MID1: variants seen among roughly 807,000 people sequenced by gnomAD.
MID1 encodes the protein E3 ubiquitin-protein ligase Midline-1.
In MID1, 7 loss-of-function variants were observed where a neutral mutation model predicts 40.4. The ratio of observed to expected loss-of-function variants is 0.17; its 90% confidence interval spans 0.10 to 0.33. The LOEUF is 0.33. Among genes scored for constraint, MID1 ranks in the 10% least tolerant of loss-of-function variants. The pLI, the probability that MID1 is intolerant of heterozygous loss-of-function variation, is 1.00. For synonymous variants in MID1, 229 were observed against 221.2 expected (o/e 1.04, Z -0.31); for missense variants, 367 against 558.5 (o/e 0.66, Z 3.46).
At chrX:10,739,076 A>T (rs1444665091) in intron 1 of MID1, among the ~76,000 whole-genome samples, 1 of 111,808 alleles carries the variant, frequency 8.9e-6, no homozygotes, top group Non-Finnish European at 1.9e-5. Context: ...ATATTTTGTT[A>T]GGAGGAAAAG....
intron 2 of MID1, among the ~76,000 whole-genome samples, chrX:10,529,062 A>G: frequency 9.0e-6 from 1 of 111,558 alleles, no homozygotes; most frequent in Middle Eastern, 4.6e-3. Flanking sequence ...AGGAGGAGAT[A>G]CATGGAAGCC....
chrX:10,592,635 CAT>C, intron 1 of MID1, among the ~76,000 whole-genome samples: 1 of 110,218 alleles, frequency 9.1e-6, no homozygotes, highest in African/African-American at 3.3e-5. Context: ...TATATATATA[CAT>C]GTATATATAT....
At chrX:10,671,323 A>T (rs943056721) in intron 1 of MID1, among the ~76,000 whole-genome samples, 2 of 112,247 alleles carry the variant, frequency 1.8e-5, no homozygotes, top group African/African-American at 6.5e-5. Context: ...CTCCTTACAA[A>T]TTGCATGATG....
chrX:10,570,978 A>G (rs1408190024), intron 1 of MID1, among the ~76,000 whole-genome samples: 1 of 88,879 alleles, frequency 1.1e-5, no homozygotes, highest in Non-Finnish European at 2.6e-5. Context: ...GCGGAGCAAG[A>G]CTTGAACAAG....
intron 1 of MID1, among the ~76,000 whole-genome samples, chrX:10,666,207 T>C (rs1245354469): frequency 9.0e-6 from 1 of 110,617 alleles, no homozygotes; most frequent in Non-Finnish European, 1.9e-5. Context: ...GAGAAGAATC[T>C]TGAGATGAAG....
intron 1 of MID1, among the ~76,000 whole-genome samples, chrX:10,632,511 A>C (rs983197618): frequency 9.0e-6 from 1 of 111,521 alleles, no homozygotes; most frequent in East Asian, 2.9e-4. Flanking sequence ...TGAGTAGCCA[A>C]GGTTGAGAAC....
intron 1 of MID1, among the ~76,000 whole-genome samples, chrX:10,720,902 C>A (rs996781886): frequency 9.1e-6 from 1 of 109,628 alleles, no homozygotes; most frequent in African/African-American, 3.3e-5. Flanking sequence ...TTTGTAGGGA[C>A]ATGGATGAAG....
intron 1 of MID1, among the ~76,000 whole-genome samples, chrX:10,789,710 T>A (rs894267946): frequency 1.2e-4 from 14 of 112,086 alleles, no homozygotes; most frequent in African/African-American, 4.2e-4. Context: ...AAGTGACACA[T>A]GACTGTGCAA....
chrX:10,598,557 G>A (rs1374962682), intron 1 of MID1, among the ~76,000 whole-genome samples: 1 of 112,224 alleles, frequency 8.9e-6, no homozygotes, highest in African/African-American at 3.2e-5. Flanking sequence ...TGCTGAGAAC[G>A]TTTCCTGACT....
chrX:10,631,085 A>G (rs1308772242), intron 1 of MID1, among the ~76,000 whole-genome samples: 3 of 111,412 alleles, frequency 2.7e-5, no homozygotes, highest in Admixed American at 9.5e-5. Flanking sequence ...TATACTATAC[A>G]TGGAAAAAAT....
At chrX:10,710,973 T>G (rs1421352507) in intron 1 of MID1, among the ~76,000 whole-genome samples, 1 of 111,664 alleles carries the variant, frequency 9.0e-6, no homozygotes, top group Non-Finnish European at 1.9e-5. Context: ...CCATGTCTTT[T>G]CTTTAGCCTG....
At chrX:10,658,400 C>A (rs1182338361) in intron 1 of MID1, among the ~76,000 whole-genome samples, 14 of 59,662 alleles carry the variant, frequency 2.3e-4, no homozygotes, top group Non-Finnish European at 2.9e-5. Context: ...ACAAAATCCA[C>A]AGCATTAAAA....
chrX:10,794,063 C>T, intron 1 of MID1, among the ~76,000 whole-genome samples: 1 of 111,976 alleles, frequency 8.9e-6, no homozygotes, highest in East Asian at 2.8e-4. Context: ...TGTTCACCTG[C>T]CCCTGGCCCA....
At position 10,482,576 on chromosome X, in the gene MID1, A is replaced by G; in HGVS notation, c.917T>C (p.Ile306Thr). The G allele has an allele frequency of 8.3e-7, 1 of 1,210,573 alleles. No individual in the cohort carries two copies. Among genetic ancestry groups the G allele is most frequent in the African/African-American group, 1.7e-5 (1 of 57,799 alleles). The change falls in exon 5 of 10, where the codon ATT becomes ACT. Residue 306 changes from isoleucine to threonine, a missense_variant. By Grantham distance (89) the Ile-to-Thr change is moderately conservative (BLOSUM62 -1). Transcript: ENST00000317552. ...GGAGATGAGTGATGCTGACCGCTCA[A>G]TGCACTGTTTGCAGTTTGCAATCTG... Reference protein sequence around the residue: ...AQQIANCKQCIERSASLISQA... With the variant: ...AQQIANCKQCTERSASLISQA...
At position 10,553,492 on chromosome X, in the gene MID1, G is replaced by A. The variant is rs751956579; in HGVS notation, c.660+13396C>T. Among the ~76,000 whole-genome samples the A allele has an allele frequency of 5.4e-5, 6 of 111,380 alleles. No homozygotes were observed. In the South Asian group the frequency reaches 2.3e-3, roughly 42 times the overall value. On this transcript the variant is annotated intron_variant, in intron 2 of 9. Coordinates refer to ENST00000317552, the MANE Select transcript of MID1 (RefSeq NM_000381.4). ...TTTATATGTATCCACGCTTTGGCAT[G>A]AATAACTAAATATGAATATTAACTC...
intron 2 of MID1, among the ~76,000 whole-genome samples, chrX:10,525,685 C>T (rs752727501): frequency 3.6e-4 from 40 of 112,422 alleles, no homozygotes; most frequent in African/African-American, 1.1e-3. Context: ...ACAAGGCACT[C>T]GTGTGCAACA....
intron 3 of MID1, chrX:10,501,332 A>G (rs1442148306): frequency 2.1e-6 from 2 of 962,204 alleles, no homozygotes; most frequent in African/African-American, 3.8e-5. Context: ...ATATCACATT[A>G]GCCCACCAGT....
chrX:10,570,098 C>A (rs1250721630), intron 1 of MID1, among the ~76,000 whole-genome samples: 1 of 111,887 alleles, frequency 8.9e-6, no homozygotes, highest in Admixed American at 9.5e-5. Flanking sequence ...AGAAATTCAC[C>A]AGAATAAACC....
intron 2 of MID1, among the ~76,000 whole-genome samples, chrX:10,542,764 AG>A (rs1905732660): frequency 8.9e-6 from 1 of 112,097 alleles, no homozygotes; most frequent in Non-Finnish European, 1.9e-5. Context: ...CACTGACATT[AG>A]GTTGGCAGGA....
Sources: allele counts gnomAD v4.1 joint callset (sites outside exome capture counted in the v4.1 genomes callset), GRCh38; gene constraint gnomAD v4.1.1; transcripts MANE v1.5; gene names NCBI Gene and HGNC (gene_info 2026-07-23, HGNC 2026-07-21).